PPP2R3B: variants seen among roughly 807,000 people sequenced by gnomAD.
The protein encoded by PPP2R3B is protein phosphatase 2 regulatory subunit B''beta.
Under a neutral mutation model 72.9 loss-of-function variants are expected in PPP2R3B, and 68 were observed. That is an observed-to-expected ratio of 0.93 (90% CI 0.77 to 1.14). The LOEUF (loss-of-function observed/expected upper bound fraction) is 1.14. Among genes scored for constraint, PPP2R3B ranks in the 50% most tolerant of loss-of-function variants. The pLI is 0.00. For missense variants in PPP2R3B, 1,018 were observed against 842.0 expected, an observed-to-expected ratio of 1.21 and a Z score of -2.59; for synonymous variants, 466 against 375.8, an observed-to-expected ratio of 1.24 and a Z score of -2.78.
chrX:354,273 TCACCCAAAC>T (rs2071398347), intron 2 of PPP2R3B, among the ~76,000 whole-genome samples: 1 of 110,166 alleles, frequency 9.1e-6, no homozygotes, highest in Non-Finnish European at 1.9e-5. Flanking sequence ...CACCAGGGGC[TCACCCAAAC>T]ACCGGGGCTG....
At position 341,911 on chromosome X, in the gene PPP2R3B, C is replaced by CT. The variant is rs1569381093; in HGVS notation, c.1056dup (p.Asp353ArgfsTer32). ...GTGACTGCTCCTGAGAAGATCCTGT[C>CT]TATCATCTTGGTAGAAAGGGCTGGA... On this transcript the variant is annotated frameshift_variant, in exon 8 of 13. Transcript: ENST00000390665. LOFTEE classifies it high-confidence loss of function. 1 of 1,612,664 alleles carries CT rather than the reference C, an allele frequency of 6.2e-7. No individual in the cohort carries two copies. The highest frequency in any genetic ancestry group is 2.2e-5 in the East Asian group (1 of 44,886).
At position 342,189 on chromosome X, in the gene PPP2R3B, G is replaced by A. The variant is rs1463139199; in HGVS notation, c.1037-258C>T. 1.2e-5 allele frequency: 7 copies of A among 599,762 alleles called. No individual in the cohort carries two copies. The African/African-American group carries it at 1.3e-4, about 11-fold the overall frequency. 37.2% of individuals were successfully genotyped at this position (599,762 alleles called of 1,614,324 possible). On this transcript the variant is annotated intron_variant, in intron 7 of 12. Coordinates refer to ENST00000390665, the MANE Select transcript of PPP2R3B (RefSeq NM_013239.5). ...CGGCTCCAAGACCGACTTGTAAAGA[G>A]CAGAATATTCAGGCCTCAAAGGTAC...
chrX:341,767 G>C, intron 8 of PPP2R3B, 116 bp downstream of exon 8: 2 of 1,136,686 alleles, frequency 1.8e-6, no homozygotes, highest in East Asian at 2.3e-5. Flanking sequence ...CCAGGGCCTG[G>C]GGTGACAACC....
intron 10 of PPP2R3B, among the ~76,000 whole-genome samples, chrX:340,493 C>T (rs1425074453): frequency 7.4e-6 from 1 of 135,144 alleles, no homozygotes; most frequent in African/African-American, 3.0e-5. Flanking sequence ...TCCCCCCTCC[C>T]GTCCGTCCCC....
chrX:334,081 A>C lies in PPP2R3B; in HGVS notation c.*286T>G, dbSNP rs897097737. ...GTGCGCACACGGACCCTTTCCACAG[A>C]CGCAGGCCCCGGAACCCAGGCTGGG... On this transcript the variant is annotated 3_prime_UTR_variant, in exon 13 of 13. Transcript: ENST00000390665. 73 of 335,504 alleles carry C rather than the reference A, an allele frequency of 2.2e-4. No individual in the cohort carries two copies. Among genetic ancestry groups the C allele is most frequent in the African/African-American group, 1.4e-3 (65 of 46,310 alleles). 20.8% of individuals were successfully genotyped at this position (335,504 alleles called of 1,614,324 possible). A position where few individuals can be genotyped will look rare whatever the true frequency, so the allele number is the denominator to read the frequency against.
At chrX:372,027 C>A (rs928042775) in intron 1 of PPP2R3B, among the ~76,000 whole-genome samples, 6 of 152,186 alleles carry the variant, frequency 3.9e-5, no homozygotes, top group African/African-American at 1.2e-4. Context: ...CACAGCCCCC[C>A]ACAGAAGAGC....
At chrX:339,185 C>G (rs1410729336) in intron 10 of PPP2R3B, among the ~76,000 whole-genome samples, 2 of 149,038 alleles carry the variant, frequency 1.3e-5, no homozygotes, top group African/African-American at 2.5e-5. Flanking sequence ...GCTGCTGGAT[C>G]TGAAATTACA....
At chrX:339,272 C>CGGA (rs1556105517) in intron 10 of PPP2R3B, among the ~76,000 whole-genome samples, 2 of 134,320 alleles carry the variant, frequency 1.5e-5, no homozygotes, top group Middle Eastern at 4.5e-3. Flanking sequence ...GCCCCATGGC[C>CGGA]GGGGGGGGCA....
intron 10 of PPP2R3B, 74 bp from the exon 11 acceptor site, chrX:338,970 G>A (rs189052580): frequency 8.5e-5 from 106 of 1,241,602 alleles, no homozygotes; most frequent in Middle Eastern, 4.9e-4. Flanking sequence ...GGGTGCGCGC[G>A]TCCTGTCACA....
chrX:335,610 G>T (rs776627601), intron 12 of PPP2R3B: 3 of 152,222 alleles, frequency 2.0e-5, no homozygotes, highest in Non-Finnish European at 4.4e-5. Flanking sequence ...TCAGAAGGCC[G>T]CGGGCTGCGG....
At chrX:359,761 T>C (rs1446361820) in intron 2 of PPP2R3B, 1 of 474,942 alleles carries the variant, frequency 2.1e-6, no homozygotes, top group Non-Finnish European at 4.1e-6. Flanking sequence ...TTCATACTCA[T>C]ACACATATTT....
intron 1 of PPP2R3B, among the ~76,000 whole-genome samples, chrX:377,595 A>T (rs866584054): frequency 1.4e-3 from 183 of 131,012 alleles, no homozygotes; most frequent in Middle Eastern, 5.4e-3. Flanking sequence ...TACTGTGTAC[A>T]GGGACGGGCC....
At chrX:351,446 G>A (rs936714205) in intron 2 of PPP2R3B, among the ~76,000 whole-genome samples, 4 of 152,224 alleles carry the variant, frequency 2.6e-5, no homozygotes, top group African/African-American at 7.2e-5. Context: ...GGCAGGGATG[G>A]AGCATCAGAT....
intron 1 of PPP2R3B, among the ~76,000 whole-genome samples, chrX:381,938 C>T (rs187503934): frequency 9.8e-5 from 15 of 152,298 alleles, no homozygotes; most frequent in African/African-American, 3.6e-4. Flanking sequence ...ACACATCTTT[C>T]TAAGTTATTC....
intron 1 of PPP2R3B, among the ~76,000 whole-genome samples, chrX:386,068 C>T (rs1047586812): frequency 1.3e-5 from 2 of 152,080 alleles, no homozygotes; most frequent in African/African-American, 2.4e-5. Flanking sequence ...GGCAACAGAG[C>T]AAAACTCTGT....
intron 2 of PPP2R3B, among the ~76,000 whole-genome samples, chrX:348,686 G>A (rs2071272692): frequency 6.6e-6 from 1 of 152,084 alleles, no homozygotes; most frequent in South Asian, 2.1e-4. Flanking sequence ...GATGACTGCT[G>A]AAACAGACTC....
At position 373,568 on chromosome X, in the gene PPP2R3B, G is replaced by A. The variant is rs112005003; in HGVS notation, c.325-11978C>T. 6.3e-3 allele frequency: 1,778 copies of A among 282,824 alleles called. 11 individuals are homozygous for A. The highest frequency in any genetic ancestry group is 0.014 in the Middle Eastern group (12 of 846). The allele number at this position is 282,824 out of a possible 1,614,324, so 17.5% of individuals were successfully genotyped here. On this transcript the variant is annotated intron_variant, in intron 1 of 12. Coordinates refer to ENST00000390665, the MANE Select transcript of PPP2R3B (RefSeq NM_013239.5). ...CCTTCAGCCGCTTCTTGAACCGAGAGGGCAGCACGAAGTCGCAGCCGCGGG... is the reference window on the plus strand; with the variant it reads ...CCTTCAGCCGCTTCTTGAACCGAGAAGGCAGCACGAAGTCGCAGCCGCGGG...
chrX:334,828 T>G (rs2070846023), intron 12 of PPP2R3B: 1 of 332,508 alleles, frequency 3.0e-6, no homozygotes, highest in Non-Finnish European at 5.4e-6. Context: ...ACGGGACCTG[T>G]GTTTACAACT....
chrX:346,411 G>T, intron 5 of PPP2R3B, 151 bp from the exon 6 acceptor site: 1 of 743,960 alleles, frequency 1.3e-6, no homozygotes, highest in South Asian at 1.9e-5. Flanking sequence ...AGGGCCCTGC[G>T]GGAGGCGCCG....
Sources: gnomAD v4.1 joint callset for allele counts (sites outside exome capture counted in the v4.1 genomes callset) on GRCh38, gnomAD v4.1.1 for gene constraint, MANE v1.5 for transcripts, NCBI Gene and HGNC (gene_info 2026-07-23, HGNC 2026-07-21) for gene names.